Variants in KIF4A observed in about 807,000 individuals in gnomAD.
KIF4A encodes chromosome-associated kinesin KIF4A.
KIF4A carries 7 observed loss-of-function variants against 105.9 expected under a neutral mutation model. The ratio of observed to expected loss-of-function variants is 0.07; its 90% CI spans 0.04 to 0.12. KIF4A has a LOEUF of 0.12. Ranked by LOEUF, KIF4A falls within the 10% of genes least tolerant of loss-of-function variation. The probability of loss-of-function intolerance (pLI) is 1.00; values close to 1 mark genes in which losing one functional copy is unlikely to be tolerated. For synonymous variants in KIF4A, 281 were observed against 331.3 expected, an observed-to-expected ratio of 0.85 and a Z score of 1.65; for missense variants, 558 against 929.2, an observed-to-expected ratio of 0.60 and a Z score of 5.19.
intron 13 of KIF4A, among the ~76,000 whole-genome samples, chrX:70,349,990 C>A (rs2086020769): frequency 2.7e-5 from 3 of 111,015 alleles, no homozygotes; most frequent in African/African-American, 9.8e-5. Flanking sequence ...AGAGGCGCTC[C>A]TCACTTCCCA....
intron 15 of KIF4A, among the ~76,000 whole-genome samples, chrX:70,366,931 C>T (rs1361055314): frequency 8.9e-6 from 1 of 111,935 alleles, no homozygotes; most frequent in African/African-American, 3.2e-5. Flanking sequence ...AATCTGGGTG[C>T]TCCTGTATTG....
At chrX:70,359,457 T>C (rs754700047) in intron 15 of KIF4A, among the ~76,000 whole-genome samples, 3 of 106,564 alleles carry the variant, frequency 2.8e-5, no homozygotes, top group South Asian at 8.9e-4. Flanking sequence ...CTCTCTCTCT[T>C]TCTTTCTTTC....
At chrX:70,366,465 G>C (rs993308729) in intron 15 of KIF4A, among the ~76,000 whole-genome samples, 42 of 112,008 alleles carry the variant, frequency 3.7e-4, no homozygotes, top group African/African-American at 1.3e-3. Flanking sequence ...GTTCTCATTG[G>C]TTTCAAAGAA....
chrX:70,372,515 CG>C (rs1430630860), intron 15 of KIF4A, among the ~76,000 whole-genome samples: 10 of 114,127 alleles, frequency 8.8e-5, no homozygotes, highest in African/African-American at 2.9e-4. Flanking sequence ...TGGTGGCGCG[CG>C]CCTGCAATCG....
At position 70,410,278 on chromosome X, in the gene KIF4A, A is replaced by G. The variant is rs546834278; in HGVS notation, c.3255+3203A>G. ...TGAAGCTGGCTGGGACTATCACTAG[A>G]TTACTGAAAAGGAGACTGAAGCAGG... On this transcript the variant is annotated intron_variant, in intron 28 of 30. Coordinates refer to ENST00000374403, the MANE Select transcript of KIF4A (RefSeq NM_012310.5). 1.0e-3 allele frequency among the ~76,000 whole-genome samples: 112 copies of G among 111,976 alleles called. 1 individual carries two copies. In the South Asian group the frequency reaches 0.04, roughly 40 times the overall value.
intron 7 of KIF4A, among the ~76,000 whole-genome samples, chrX:70,306,842 CTTT>C: frequency 1.0e-5 from 1 of 100,221 alleles, no homozygotes; most frequent in African/African-American, 3.6e-5. Flanking sequence ...TGCCCGGCCT[CTTT>C]TTTTTTTTTT....
At chrX:70,349,739 G>A (rs1253979301) in intron 13 of KIF4A, among the ~76,000 whole-genome samples, 2 of 75,432 alleles carry the variant, frequency 2.7e-5, no homozygotes, top group African/African-American at 1.1e-4. Context: ...CGGGGTGGCG[G>A]CCAGGCAGAG....
intron 7 of KIF4A, among the ~76,000 whole-genome samples, chrX:70,303,080 G>A (rs2085810855): frequency 1.8e-5 from 2 of 111,926 alleles, no homozygotes; most frequent in African/African-American, 3.2e-5. Flanking sequence ...AGGGATTTTA[G>A]CCTAAAGTGC....
In KIF4A at chrX:70,290,789, A is replaced by G; in HGVS notation, c.219A>G (p.Ile73Met). ...TCAATACAGCAGTAGCGCCACTCAT[A>G]AAAGGTGTATTTAAAGGTAAGGCGA... ...EVFNTAVAPL[I>M]KGVFKGYNAT... Residue 73 changes from isoleucine (I) to methionine (M), a missense_variant, in exon 3 of 31, where the codon ATA (isoleucine) becomes ATG (methionine). Ile to Met is a conservative substitution (Grantham distance 10). Coordinates refer to ENST00000374403, the MANE Select transcript of KIF4A (RefSeq NM_012310.5). The G allele has an allele frequency of 3.4e-6, 4 of 1,181,683 alleles. No individual in the cohort carries two copies. Among genetic ancestry groups the G allele is most frequent in the Non-Finnish European group, 4.6e-6 (4 of 868,100 alleles).
At chrX:70,397,432 AGAAAG>A (rs761777472) in intron 22 of KIF4A, among the ~76,000 whole-genome samples, 1 of 111,822 alleles carries the variant, frequency 8.9e-6, no homozygotes, top group Non-Finnish European at 1.9e-5. Context: ...GAAAGAGAAA[AGAAAG>A]AAAAGAAAAA....
Position 70,419,927 on chromosome X carries a change from C to A in KIF4A, c.3496-135C>A, listed in dbSNP as rs1856999721. On this transcript the variant is annotated intron_variant, in intron 30 of 30. Coordinates refer to ENST00000374403, the MANE Select transcript of KIF4A (RefSeq NM_012310.5). Reference sequence around the variant, plus strand: ...CTAGGGATCGGGCATAGACTCTAGTCTGGTTTTTTCCATAGAATGATCTTA... The same window carrying A: ...CTAGGGATCGGGCATAGACTCTAGTATGGTTTTTTCCATAGAATGATCTTA... The A allele has an allele frequency of 5.0e-6, 5 of 999,311 alleles. No individual in the cohort carries two copies. In the Admixed American group the frequency reaches 1.3e-4, roughly 27 times the overall value. The allele number at this position is 999,311 out of a possible 1,213,427, so 82.4% of individuals were successfully genotyped here. A position where few individuals can be genotyped will look rare whatever the true frequency, so the allele number is the denominator to read the frequency against.
rs1422563590 is a variant in KIF4A at position 70,407,080 on chromosome X, G to A, written c.3255+5G>A. 1 of 1,175,710 alleles carries A rather than the reference G, an allele frequency of 8.5e-7. No individual in the cohort carries two copies. The highest frequency in any genetic ancestry group is 1.8e-5 in the African/African-American group (1 of 56,230). ...TCCAGGAAGAACATCCAAGGGGTAG[G>A]AGCCAGCTCTTCAACTTTTTTTTTG... On this transcript the variant is annotated splice_donor_5th_base_variant and intron_variant, in intron 28 of 30. Transcript: ENST00000374403.
intron 18 of KIF4A, 129 bp downstream of exon 18, chrX:70,376,339 T>A: frequency 4.5e-6 from 2 of 442,793 alleles, no homozygotes; most frequent in East Asian, 3.8e-5. Context: ...TTAACAACTT[T>A]ATTAAATGTC....
intron 15 of KIF4A, among the ~76,000 whole-genome samples, chrX:70,363,736 T>C (rs1345332787): frequency 1.8e-5 from 2 of 112,292 alleles, no homozygotes; most frequent in Middle Eastern, 4.6e-3. Flanking sequence ...ACATAATTTA[T>C]AATCCTTTGG....
intron 15 of KIF4A, among the ~76,000 whole-genome samples, chrX:70,372,882 G>A (rs2147719472): frequency 8.9e-6 from 1 of 112,575 alleles, no homozygotes; most frequent in Non-Finnish European, 1.9e-5. Flanking sequence ...TATTGACATA[G>A]ATAGGGAAAC....
intron 7 of KIF4A, among the ~76,000 whole-genome samples, chrX:70,304,729 G>A (rs1452751349): frequency 9.9e-6 from 1 of 100,584 alleles, no homozygotes; most frequent in East Asian, 3.1e-4. Flanking sequence ...CATGATCTTG[G>A]CTCACTGCAA....
At chrX:70,388,841 G>C (rs186209061) in intron 20 of KIF4A, among the ~76,000 whole-genome samples, 1 of 112,167 alleles carries the variant, frequency 8.9e-6, no homozygotes, top group African/African-American at 3.2e-5. Context: ...CCTGGCTGTG[G>C]CTTGCCCTTT....
intron 16 of KIF4A, 108 bp from the exon 17 acceptor site, chrX:70,375,096 C>A: frequency 1.1e-6 from 1 of 871,674 alleles, no homozygotes; most frequent in Non-Finnish European, 1.6e-6. Context: ...TGTGACTAGT[C>A]ACCTATTTTA....
At chrX:70,294,923 A>C (rs1433009857) in intron 3 of KIF4A, among the ~76,000 whole-genome samples, 2 of 111,718 alleles carry the variant, frequency 1.8e-5, no homozygotes, top group Non-Finnish European at 1.9e-5. Context: ...AATACAAAAA[A>C]ATTAGCTGGG....
Sources: gnomAD v4.1 joint callset for allele counts (sites outside exome capture counted in the v4.1 genomes callset) on GRCh38, gnomAD v4.1.1 for gene constraint, MANE v1.5 for transcripts, NCBI Gene and HGNC (gene_info 2026-07-23, HGNC 2026-07-21) for gene names.